Variants in USP14 observed in about 807,000 individuals in gnomAD.
The protein encoded by USP14 is ubiquitin carboxyl-terminal hydrolase 14.
USP14 carries 38 observed loss-of-function variants against 76.5 expected under a neutral mutation model. The observed-to-expected ratio is 0.50, with a 90% CI of 0.38 to 0.65. The LOEUF (loss-of-function observed/expected upper bound fraction) is 0.65, where lower values mean the gene tolerates loss of function less well. Among genes scored for constraint, USP14 ranks in the 30% least tolerant of loss-of-function variants. USP14 has a pLI of 0.00. For synonymous variants in USP14, 192 were observed against 191.7 expected (o/e 1.00, Z -0.01); for missense variants, 467 against 586.5 (o/e 0.80, Z 2.10).
chr18:211,303 T>C lies in USP14; in HGVS notation c.*19T>C, dbSNP rs375696289. The C allele has an allele frequency of 3.9e-5, 62 of 1,586,632 alleles. No individual in the cohort carries two copies. Among genetic ancestry groups the C allele is most frequent in the Admixed American group, 1.8e-4 (10 of 57,096 alleles). On this transcript the variant is annotated 3_prime_UTR_variant, in exon 16 of 16. Transcript: ENST00000261601. Reference sequence around the variant, plus strand: ...ACAGTAATCTTCATTTTAGTATTTATGCTTAGATGTGAAAATAAATGTTAT... The same window carrying C: ...ACAGTAATCTTCATTTTAGTATTTACGCTTAGATGTGAAAATAAATGTTAT...
chr18:199,369 TA>T, intron 10 of USP14, 53 bp downstream of exon 10: 1 of 1,288,044 alleles, frequency 7.8e-7, no homozygotes, highest in Non-Finnish European at 1.1e-6. Flanking sequence ...TGTTTGCGAG[TA>T]AGCCAAAGTC....
chr18:174,843 A>C (rs1323128099), intron 3 of USP14, among the ~76,000 whole-genome samples: 2 of 151,942 alleles, frequency 1.3e-5, no homozygotes, highest in African/African-American at 2.4e-5. Flanking sequence ...TGACGTGATC[A>C]TGGCTCACTG....
At chr18:196,406 C>A in intron 6 of USP14, 1 of 311,742 alleles carries the variant, frequency 3.2e-6, no homozygotes, top group Non-Finnish European at 5.9e-6. Flanking sequence ...TGCCTGTAAT[C>A]CCAGCTACTC....
At position 199,151 on chromosome 18, in the gene USP14, A is replaced by G. The variant is rs754814013; in HGVS notation, c.762-51A>G. On this transcript the variant is annotated intron_variant, in intron 9 of 15. Transcript: ENST00000261601. ...AGGATAATGTATTATATTCAAGAGT[A>G]TATAACAAATTGAATACCCGTTGGC... is the stretch of plus-strand genomic sequence containing the variant. The G allele has an allele frequency of 1.7e-5, 19 of 1,110,670 alleles. 1 individual carries two copies. The highest frequency in any genetic ancestry group is 1.6e-4 in the South Asian group (12 of 76,626). 68.8% of individuals were successfully genotyped at this position (1,110,670 alleles called of 1,614,324 possible).
chr18:194,052 G>C (rs2143056743), intron 6 of USP14, among the ~76,000 whole-genome samples: 1 of 152,226 alleles, frequency 6.6e-6, no homozygotes, highest in East Asian at 1.9e-4. Context: ...CCCCCAGAAG[G>C]GTATGAGGGT....
chr18:164,601 C>G (rs1317626365), intron 2 of USP14, among the ~76,000 whole-genome samples: 2 of 152,022 alleles, frequency 1.3e-5, no homozygotes, highest in East Asian at 1.9e-4. Context: ...TTACAGGTGT[C>G]TACCACCATG....
In USP14 at chr18:211,183, G is replaced by A. The variant is rs781055095; in HGVS notation, c.1384G>A (p.Asp462Asn). ...CAAAGTCAGCATCGTAACACCAGAA[G>A]ATATCTTACGGCTTTCTGGTGGTGG... ...DDKVSIVTPE[D>N]ILRLSGGGDW... is the part of the protein sequence containing the mutation. The change falls in exon 16 of 16, where the codon GAT becomes AAT. Residue 462 changes from aspartate to asparagine, a missense_variant. Transcript: ENST00000261601. 4.3e-6 allele frequency: 7 copies of A among 1,613,852 alleles called. No individual in the cohort carries two copies. In the South Asian group the frequency reaches 7.7e-5, roughly 18 times the overall value.
chr18:183,982 T>C (rs1909857839), intron 5 of USP14, among the ~76,000 whole-genome samples: 1 of 152,164 alleles, frequency 6.6e-6, no homozygotes, highest in African/African-American at 2.4e-5. Context: ...GATTTCCTCT[T>C]TACTGTTTTC....
chr18:185,907 G>A (rs1371485884), intron 5 of USP14, among the ~76,000 whole-genome samples: 1 of 144,588 alleles, frequency 6.9e-6, no homozygotes, highest in African/African-American at 2.6e-5. Flanking sequence ...TGGCTATGTT[G>A]CTCAGGCTGG....
chr18:178,160 C>T (rs537317375), intron 3 of USP14, among the ~76,000 whole-genome samples: 62 of 152,230 alleles, frequency 4.1e-4, no homozygotes, highest in African/African-American at 1.4e-3. Flanking sequence ...GCTGGGACTA[C>T]AGGCATGCAC....
chr18:171,782 G>A (rs553433754), intron 3 of USP14, among the ~76,000 whole-genome samples: 1 of 152,310 alleles, frequency 6.6e-6, no homozygotes, highest in South Asian at 2.1e-4. Flanking sequence ...GGATTCACCT[G>A]AATTCTTGAT....
intron 5 of USP14, among the ~76,000 whole-genome samples, chr18:186,697 A>T (rs1909939875): frequency 6.6e-6 from 1 of 152,004 alleles, no homozygotes. Flanking sequence ...GGCTGCAGTG[A>T]GCCGAGATTG....
intron 3 of USP14, among the ~76,000 whole-genome samples, chr18:169,332 ACCTGGG>A (rs1909373812): frequency 6.8e-6 from 1 of 147,240 alleles, no homozygotes; most frequent in Non-Finnish European, 1.5e-5. Context: ...CTGCACTCCA[ACCTGGG>A]CAACAGAGCA....
chr18:163,943 C>CA (rs1474251285), intron 2 of USP14, among the ~76,000 whole-genome samples: 20 of 151,986 alleles, frequency 1.3e-4, no homozygotes, highest in African/African-American at 4.8e-4. Flanking sequence ...CAAAAGAGAA[C>CA]ATGCAGTTTG....
At chr18:173,269 G>A (rs11663945) in intron 3 of USP14, among the ~76,000 whole-genome samples, 4 of 150,252 alleles carry the variant, frequency 2.7e-5, no homozygotes, top group African/African-American at 4.9e-5. Context: ...CACCACACCC[G>A]GCTATTTTTT....
At chr18:179,509 C>CA (rs1909721527) in intron 4 of USP14, among the ~76,000 whole-genome samples, 1 of 149,788 alleles carries the variant, frequency 6.7e-6, no homozygotes, top group Non-Finnish European at 1.5e-5. Context: ...AGAAACTGGT[C>CA]AACACGTGTC....
At chr18:195,542 G>A (rs767321960) in intron 6 of USP14, among the ~76,000 whole-genome samples, 1 of 152,178 alleles carries the variant, frequency 6.6e-6, no homozygotes. Context: ...GAAATGGTTC[G>A]AAATCCAAGA....
intron 13 of USP14, among the ~76,000 whole-genome samples, chr18:208,329 T>A (rs1442387557): frequency 1.3e-5 from 2 of 152,092 alleles, no homozygotes; most frequent in Non-Finnish European, 2.9e-5. Flanking sequence ...GTCTGTAGAG[T>A]GTTTAGTGAG....
chr18:214,001 GAT>G lies in USP14; in HGVS notation c.*2718_*2719del, dbSNP rs1491314622. 3.5e-5 allele frequency: 4 copies of G among 113,224 alleles called. No individual in the cohort carries two copies. The highest frequency in any genetic ancestry group is 9.6e-5 in the Admixed American group (1 of 10,448). 7.0% of individuals were successfully genotyped at this position (113,224 alleles called of 1,614,324 possible). ...TAGATAGATAGATAGATAGATAGAT[GAT>G]GATTGATTGATGATTGATAGTAAAT... On this transcript the variant is annotated 3_prime_UTR_variant, in exon 16 of 16. Coordinates refer to ENST00000261601, the MANE Select transcript of USP14 (RefSeq NM_005151.4).
Sources: allele counts gnomAD v4.1 joint callset (sites outside exome capture counted in the v4.1 genomes callset), GRCh38; gene constraint gnomAD v4.1.1; transcripts MANE v1.5; gene names NCBI Gene and HGNC (gene_info 2026-07-23, HGNC 2026-07-21).